The following SMIM3 variants were observed in gnomAD, a reference collection of about 807,000 sequenced individuals.
SMIM3 encodes the protein small integral membrane protein 3.
SMIM3 carries 4 observed loss-of-function variants against 2.1 expected under a neutral mutation model. That is an observed-to-expected ratio of 1.89 (90% CI 0.93 to 4.31). The LOEUF is 4.31. Among genes scored for constraint, SMIM3 ranks in the 30% most tolerant of loss-of-function variants. The probability of loss-of-function intolerance (pLI) is 0.01; values close to 1 mark genes in which losing one functional copy is unlikely to be tolerated. For missense variants in SMIM3, 79 were observed against 77.7 expected (o/e 1.02, Z -0.06); for synonymous variants, 29 against 30.8 (o/e 0.94, Z 0.19).
intron 1 of SMIM3, among the ~76,000 whole-genome samples, chr5:150,789,374 C>G (rs182568983): frequency 6.6e-6 from 1 of 152,018 alleles, no homozygotes; most frequent in Non-Finnish European, 1.5e-5. Flanking sequence ...TTTTCTTTGA[C>G]AGTAGGGAGA....
intron 1 of SMIM3, among the ~76,000 whole-genome samples, chr5:150,793,290 C>A (rs186338495): frequency 1.2e-4 from 19 of 152,230 alleles, no homozygotes; most frequent in African/African-American, 4.3e-4. Context: ...CAGAATACCA[C>A]CATCATTCCT....
intron 1 of SMIM3, among the ~76,000 whole-genome samples, chr5:150,788,680 T>G (rs1163716156): frequency 6.6e-6 from 1 of 152,076 alleles, no homozygotes; most frequent in African/African-American, 2.4e-5. Context: ...TTTTCCTCTT[T>G]CGTAGAAACT....
Position 150,778,759 on chromosome 5 carries a change from A to T in SMIM3, c.-225A>T. The T allele has an allele frequency of 2.2e-6, 1 of 454,156 alleles. No individual in the cohort carries two copies. The highest frequency in any genetic ancestry group is 4.6e-6 in the Non-Finnish European group (1 of 219,376). 28.1% of individuals were successfully genotyped at this position (454,156 alleles called of 1,614,324 possible). On this transcript the variant is annotated 5_prime_UTR_variant, in exon 1 of 2. Coordinates refer to ENST00000526627, the MANE Select transcript of SMIM3 (RefSeq NM_032947.5). ...CGGGGGCGGTCCCCAGCAGCCGCGCATTCCAGAGCCAGCAGCGCGTCCTGG... is the reference window on the plus strand; with the variant it reads ...CGGGGGCGGTCCCCAGCAGCCGCGCTTTCCAGAGCCAGCAGCGCGTCCTGG...
At chr5:150,790,669 AG>A (rs1282760051) in intron 1 of SMIM3, among the ~76,000 whole-genome samples, 3 of 152,180 alleles carry the variant, frequency 2.0e-5, no homozygotes, top group African/African-American at 7.2e-5. Context: ...ATGCCAGAAA[AG>A]GCCTTAGGGG....
At chr5:150,794,797 A>G (rs1753385481) in intron 1 of SMIM3, among the ~76,000 whole-genome samples, 1 of 152,216 alleles carries the variant, frequency 6.6e-6, no homozygotes, top group African/African-American at 2.4e-5. Context: ...TCCATTTATT[A>G]AGTAGTTAGG....
intron 1 of SMIM3, among the ~76,000 whole-genome samples, chr5:150,790,706 G>A (rs1581622730): frequency 6.6e-6 from 1 of 152,152 alleles, no homozygotes. Flanking sequence ...GAGTCCAGAG[G>A]TTCCCAAATC....
At chr5:150,785,531 C>G (rs940605894) in intron 1 of SMIM3, among the ~76,000 whole-genome samples, 1 of 144,746 alleles carries the variant, frequency 6.9e-6, no homozygotes, top group Admixed American at 6.9e-5. Flanking sequence ...GATATTCTGT[C>G]TTATTTCTCT....
Position 150,778,851 on chromosome 5 carries a change from G to A in SMIM3, c.-133G>A. The A allele has an allele frequency of 2.1e-6, 1 of 483,834 alleles. No homozygotes were observed. Among genetic ancestry groups the A allele is most frequent in the South Asian group, 1.5e-5 (1 of 65,352 alleles). 30.0% of individuals were successfully genotyped at this position (483,834 alleles called of 1,614,324 possible). A position where few individuals can be genotyped will look rare whatever the true frequency, so the allele number is the denominator to read the frequency against. ...GGGGCACGTTCCAGGAGCTGCCTAG[G>A]GCTGAGGTTCCAGGCCTGGGGGTCG... On this transcript the variant is annotated 5_prime_UTR_variant, in exon 1 of 2. Coordinates refer to ENST00000526627, the MANE Select transcript of SMIM3 (RefSeq NM_032947.5).
At chr5:150,783,348 G>C (rs1045838345) in intron 1 of SMIM3, among the ~76,000 whole-genome samples, 2 of 152,214 alleles carry the variant, frequency 1.3e-5, no homozygotes, top group Non-Finnish European at 2.9e-5. Context: ...TTTTTGGAAG[G>C]GGTCCTATAA....
Position 150,795,691 on chromosome 5 carries a change from A to G in SMIM3, c.*68A>G. The G allele has an allele frequency of 3.3e-6, 5 of 1,496,112 alleles. No homozygotes were observed. The highest frequency in any genetic ancestry group is 3.6e-6 in the Non-Finnish European group (4 of 1,117,004). The allele number at this position is 1,496,112 out of a possible 1,614,324, so 92.7% of individuals were successfully genotyped here. On this transcript the variant is annotated 3_prime_UTR_variant, in exon 2 of 2. Transcript: ENST00000526627. ...CTATCCCCAGCCTCTTCCTGTCTTC[A>G]GAAAAGCAGCAGGAGGGACTTTGGG...
At chr5:150,794,292 C>A (rs1284279554) in intron 1 of SMIM3, among the ~76,000 whole-genome samples, 3 of 152,154 alleles carry the variant, frequency 2.0e-5, no homozygotes, top group Non-Finnish European at 4.4e-5. Context: ...AAAAGTAGGA[C>A]TACCTTTTGA....
At chr5:150,785,436 T>C (rs557248324) in intron 1 of SMIM3, among the ~76,000 whole-genome samples, 1 of 152,278 alleles carries the variant, frequency 6.6e-6, no homozygotes, top group Non-Finnish European at 1.5e-5. Context: ...TCTGTTCACC[T>C]CTTTGAAGAG....
chr5:150,788,304 T>C (rs1168006963), intron 1 of SMIM3, among the ~76,000 whole-genome samples: 1 of 152,136 alleles, frequency 6.6e-6, no homozygotes, highest in African/African-American at 2.4e-5. Flanking sequence ...TTTGCCTGCC[T>C]AAACTGGATC....
Position 150,795,941 on chromosome 5 carries a change from G to A in SMIM3, c.*318G>A, listed in dbSNP as rs558018898. On this transcript the variant is annotated 3_prime_UTR_variant, in exon 2 of 2. Coordinates refer to ENST00000526627, the MANE Select transcript of SMIM3 (RefSeq NM_032947.5). ...ATATAAGGGTGTTATGCTGAATCCT[G>A]AGAAGCTTTCAAGAACCAGAGAACC... is the stretch of plus-strand genomic sequence containing the variant. The A allele has an allele frequency of 1.0e-3, 305 of 303,086 alleles. 7 individuals are homozygous for A. In the South Asian group the frequency reaches 0.012, roughly 12 times the overall value. 18.8% of individuals were successfully genotyped at this position (303,086 alleles called of 1,614,324 possible).
At chr5:150,791,156 G>C (rs117118342) in intron 1 of SMIM3, among the ~76,000 whole-genome samples, 1 of 152,250 alleles carries the variant, frequency 6.6e-6, no homozygotes, top group East Asian at 1.9e-4. Flanking sequence ...AGTACACTCA[G>C]AAAGTAATTT....
intron 1 of SMIM3, among the ~76,000 whole-genome samples, chr5:150,785,139 G>C (rs2113201096): frequency 7.2e-6 from 1 of 138,412 alleles, no homozygotes; most frequent in East Asian, 2.1e-4. Flanking sequence ...CCAGGCTGGA[G>C]TGCAGTGGCA....
At chr5:150,781,742 G>A (rs544089640) in intron 1 of SMIM3, among the ~76,000 whole-genome samples, 5 of 151,484 alleles carry the variant, frequency 3.3e-5, no homozygotes, top group Admixed American at 1.3e-4. Flanking sequence ...ACCACCGCCC[G>A]GTGCTCTTGC....
intron 1 of SMIM3, among the ~76,000 whole-genome samples, chr5:150,781,706 A>G (rs572413597): frequency 6.6e-6 from 1 of 152,250 alleles, no homozygotes; most frequent in African/African-American, 2.4e-5. Context: ...CGACCTGTTG[A>G]GGCTCACACA....
Position 150,796,337 on chromosome 5 carries a change from T to C in SMIM3, c.*714T>C, listed in dbSNP as rs942940194. On this transcript the variant is annotated 3_prime_UTR_variant, in exon 2 of 2. Coordinates refer to ENST00000526627, the MANE Select transcript of SMIM3 (RefSeq NM_032947.5). The stretch of plus-strand genomic sequence containing the variant: ...TGTTGGAAAATGCAGGGTGACTGAG[T>C]TCCCTGCCCAGCTTTCGGGATCTCT... The C allele has an allele frequency of 1.3e-5, 2 of 152,592 alleles. No homozygotes were observed. Among genetic ancestry groups the C allele is most frequent in the African/African-American group, 2.4e-5 (1 of 41,384 alleles). The allele number at this position is 152,592 out of a possible 1,614,324, so 9.5% of individuals were successfully genotyped here.
Sources: allele counts gnomAD v4.1 joint callset (sites outside exome capture counted in the v4.1 genomes callset), GRCh38; gene constraint gnomAD v4.1.1; transcripts MANE v1.5; gene names NCBI Gene and HGNC (gene_info 2026-07-23, HGNC 2026-07-21).